The following NEK11 variants were observed in gnomAD, a reference collection of about 807,000 sequenced individuals.
The protein encoded by NEK11 is serine/threonine-protein kinase Nek11.
A neutral mutation model predicts 80.7 loss-of-function variants in NEK11; 72 were observed. The observed-to-expected ratio is 0.89, with a 90% CI of 0.74 to 1.08. The LOEUF (loss-of-function observed/expected upper bound fraction) is 1.08. NEK11 is among the 50% of genes least tolerant of loss of function. The pLI is 0.00. For synonymous variants in NEK11, 251 were observed against 260.7 expected (o/e 0.96, Z 0.36); for missense variants, 764 against 763.6 (o/e 1.00, Z -0.01).
chr3:131,173,041 C>T (rs1283722716), intron 14 of NEK11, among the ~76,000 whole-genome samples: 1 of 152,146 alleles, frequency 6.6e-6, no homozygotes, highest in African/African-American at 2.4e-5. Context: ...TAGGATGAAT[C>T]CTCAGTTCTG....
intron 10 of NEK11, among the ~76,000 whole-genome samples, chr3:131,157,301 T>C (rs62284207): frequency 0.15 from 23,191 of 152,088 alleles, 1,833 homozygotes; most frequent in Non-Finnish European, 0.17. Flanking sequence ...ATTATCTTGG[T>C]TACTGAATTT....
intron 3 of NEK11, among the ~76,000 whole-genome samples, chr3:131,055,458 A>G (rs902546044): frequency 6.6e-6 from 1 of 152,292 alleles, no homozygotes; most frequent in Admixed American, 6.5e-5. Flanking sequence ...ATAAGGGGCC[A>G]GGCATGGTGG....
chr3:131,296,631 T>A (rs1016707908), intron 17 of NEK11, among the ~76,000 whole-genome samples: 2 of 152,146 alleles, frequency 1.3e-5, no homozygotes, highest in Non-Finnish European at 2.9e-5. Flanking sequence ...TCACACGACT[T>A]TCATTTTACT....
intron 3 of NEK11, among the ~76,000 whole-genome samples, chr3:131,074,373 C>CTGACAGTT (rs1371176506): frequency 1.3e-5 from 2 of 152,050 alleles, no homozygotes; most frequent in Non-Finnish European, 2.9e-5. Flanking sequence ...GTTTATGAAC[C>CTGACAGTT]TGACAGTTTT....
intron 5 of NEK11, among the ~76,000 whole-genome samples, chr3:131,112,585 C>T (rs1344865266): frequency 6.6e-6 from 1 of 152,026 alleles, no homozygotes; most frequent in Non-Finnish European, 1.5e-5. Context: ...TAGTTTAAAA[C>T]AAGTGATAAA....
chr3:131,299,809 C>G (rs890091326), intron 17 of NEK11, among the ~76,000 whole-genome samples: 6 of 152,198 alleles, frequency 3.9e-5, no homozygotes, highest in Non-Finnish European at 7.4e-5. Context: ...TATGTCTTTG[C>G]TTTTGTGAAT....
intron 16 of NEK11, among the ~76,000 whole-genome samples, chr3:131,253,901 T>C (rs1299242437): frequency 6.6e-6 from 1 of 152,208 alleles, no homozygotes; most frequent in Non-Finnish European, 1.5e-5. Flanking sequence ...TACATAATGT[T>C]CTTTGCTATG....
chr3:131,210,079 G>A (rs1038668328), intron 14 of NEK11, among the ~76,000 whole-genome samples: 3 of 152,158 alleles, frequency 2.0e-5, no homozygotes, highest in East Asian at 3.9e-4. Context: ...TGATGTTAAG[G>A]TGTCAATTTT....
intron 17 of NEK11, among the ~76,000 whole-genome samples, chr3:131,333,197 A>C (rs1002396620): frequency 6.6e-6 from 1 of 152,180 alleles, no homozygotes; most frequent in African/African-American, 2.4e-5. Context: ...GAAGGAAAAA[A>C]TGTTAAGGGC....
At chr3:131,255,971 C>A (rs1020699213) in intron 16 of NEK11, among the ~76,000 whole-genome samples, 2 of 152,136 alleles carry the variant, frequency 1.3e-5, no homozygotes, top group African/African-American at 4.8e-5. Context: ...GTTCTCCAAA[C>A]CTCTTGTGGT....
chr3:131,119,781 TA>T (rs200913661), intron 5 of NEK11, among the ~76,000 whole-genome samples: 2,137 of 152,316 alleles, frequency 0.014, 47 homozygotes, highest in African/African-American at 0.049. Context: ...TATCAGAGAC[TA>T]GGATTGCAAC....
intron 3 of NEK11, among the ~76,000 whole-genome samples, chr3:131,079,777 T>C (rs917852569): frequency 1.3e-5 from 2 of 152,144 alleles, no homozygotes; most frequent in Non-Finnish European, 2.9e-5. Context: ...CTGGTAGTAA[T>C]GAAGTATGAT....
At chr3:131,307,656 CA>C (rs1182748087) in intron 17 of NEK11, among the ~76,000 whole-genome samples, 4 of 152,056 alleles carry the variant, frequency 2.6e-5, no homozygotes, top group African/African-American at 9.7e-5. Context: ...GAAGCCAGGT[CA>C]AAAAGGGAAA....
chr3:131,299,971 C>A (rs1370982016), intron 17 of NEK11, among the ~76,000 whole-genome samples: 1 of 152,172 alleles, frequency 6.6e-6, no homozygotes, highest in Non-Finnish European at 1.5e-5. Flanking sequence ...TCCAAAATAG[C>A]TGAACTAATT....
chr3:131,182,513 C>T (rs1008829312), intron 14 of NEK11, among the ~76,000 whole-genome samples: 3 of 152,178 alleles, frequency 2.0e-5, no homozygotes, highest in African/African-American at 7.2e-5. Flanking sequence ...TGTGCACTGG[C>T]ATCCACATGT....
Position 131,133,897 on chromosome 3 carries a change from C to T in NEK11, c.588C>T (p.Pro196=). The T allele has an allele frequency of 6.2e-7, 1 of 1,612,670 alleles. No individual in the cohort carries two copies. The highest frequency in any genetic ancestry group is 8.5e-7 in the Non-Finnish European group (1 of 1,179,070). ...TGGCCACAACTTTAACTGGAACTCC[C>T]CATTATATGAGTCCTGAGGCTCTGA... is the stretch of plus-strand genomic sequence containing the variant. ...CDLATTLTGT[P]HYMSPEALKH... is the part of the protein sequence containing the mutation. Residue 196 remains proline (P), a synonymous_variant, in exon 7 of 18, where the codon CCC becomes CCT. Coordinates refer to ENST00000383366, the MANE Select transcript of NEK11 (RefSeq NM_024800.5).
intron 17 of NEK11, 123 bp downstream of exon 17, chr3:131,273,697 C>G (rs2096242487): frequency 1.5e-6 from 1 of 664,226 alleles, no homozygotes; most frequent in East Asian, 2.9e-5. Flanking sequence ...ATACCTGGGA[C>G]TAAGCTGTTC....
chr3:131,171,410 A>G (rs965185976), intron 14 of NEK11, among the ~76,000 whole-genome samples: 1 of 152,196 alleles, frequency 6.6e-6, no homozygotes, highest in Non-Finnish European at 1.5e-5. Context: ...ACCACACAGC[A>G]AACGAGTACA....
chr3:131,248,361 A>C (rs1234634128), intron 16 of NEK11, among the ~76,000 whole-genome samples: 1 of 152,082 alleles, frequency 6.6e-6, no homozygotes, highest in East Asian at 1.9e-4. Context: ...TATGGTTCTT[A>C]AAAAATTTAT....
Sources: allele counts gnomAD v4.1 joint callset (sites outside exome capture counted in the v4.1 genomes callset), GRCh38; gene constraint gnomAD v4.1.1; transcripts MANE v1.5; gene names NCBI Gene and HGNC (gene_info 2026-07-23, HGNC 2026-07-21).